Variants in PLXNC1 observed in about 807,000 individuals in gnomAD.
PLXNC1 encodes plexin-C1.
In PLXNC1, 75 loss-of-function variants were observed where a neutral mutation model predicts 178.2. That is an observed-to-expected ratio of 0.42 (90% CI 0.35 to 0.51). The LOEUF (loss-of-function observed/expected upper bound fraction) is 0.51, where lower values mean the gene tolerates loss of function less well. PLXNC1 is among the 20% of genes least tolerant of loss of function. PLXNC1 has a pLI of 0.02. For missense variants in PLXNC1, 1,503 were observed against 1,984.4 expected, an observed-to-expected ratio of 0.76 and a Z score of 4.61; for synonymous variants, 790 against 779.9, an observed-to-expected ratio of 1.01 and a Z score of -0.22.
intron 4 of PLXNC1, among the ~76,000 whole-genome samples, chr12:94,197,437 T>TCTCTCTCTC (rs1555198027): frequency 0.13 from 18,860 of 148,466 alleles, 1,360 homozygotes; most frequent in East Asian, 0.25. Context: ...TTAGGCCCCT[T>TCTCTCTCTC]TCTCTCTCTC....
At chr12:94,210,119 C>A (rs755138811) in intron 5 of PLXNC1, among the ~76,000 whole-genome samples, 1 of 152,142 alleles carries the variant, frequency 6.6e-6, no homozygotes, top group Non-Finnish European at 1.5e-5. Flanking sequence ...GTAATGGTCC[C>A]TTATCCTAAT....
chr12:94,303,279 A>G (rs1467864904), intron 28 of PLXNC1, among the ~76,000 whole-genome samples: 3 of 152,192 alleles, frequency 2.0e-5, no homozygotes, highest in African/African-American at 7.2e-5. Context: ...AAGCTGGAAA[A>G]TCTGCCTCTG....
chr12:94,267,449 T>G (rs1391353634), intron 21 of PLXNC1, among the ~76,000 whole-genome samples: 1 of 152,234 alleles, frequency 6.6e-6, no homozygotes, highest in African/African-American at 2.4e-5. Context: ...AAGGAATTCA[T>G]GTCGACTCTT....
intron 9 of PLXNC1, 127 bp from the exon 10 acceptor site, chr12:94,237,537 T>C: frequency 1.4e-6 from 1 of 707,328 alleles, no homozygotes; most frequent in Non-Finnish European, 2.4e-6. Context: ...AAACACTGTC[T>C]GCTTGTGTTC....
chr12:94,256,793 A>G (rs1180457734), intron 17 of PLXNC1, among the ~76,000 whole-genome samples: 3 of 151,882 alleles, frequency 2.0e-5, no homozygotes, highest in African/African-American at 7.3e-5. Flanking sequence ...GTAATCAAGA[A>G]CAAGATAGAG....
rs55733946 is a variant in PLXNC1, at chr12:94,166,524, G to GTATTAT, written c.1063-2590_1063-2585dup. Among the ~76,000 whole-genome samples, 1,159 of 144,080 alleles carry GTATTAT rather than the reference G, an allele frequency of 8.0e-3. 6 individuals are homozygous for GTATTAT. Among genetic ancestry groups the GTATTAT allele is most frequent in the Middle Eastern group, 0.032 (9 of 278 alleles). The allele number at this position is 144,080 out of a possible 152,430, so 94.5% of individuals were successfully genotyped here. On this transcript the variant is annotated intron_variant, in intron 1 of 30. Transcript: ENST00000258526. ...AGTAAGTATTAGTACATGTTAGCTG[G>GTATTAT]TATTATTATTATTATTATTATTATT...
In PLXNC1 at chr12:94,237,697, G is replaced by T; in HGVS notation, c.2014G>T (p.Val672Leu). 1.9e-6 allele frequency: 3 copies of T among 1,613,818 alleles called. No homozygotes were observed. Among genetic ancestry groups the T allele is most frequent in the Non-Finnish European group, 2.5e-6 (3 of 1,179,806 alleles). ...CATTAAGTCCATTGAGCCACAGAAAGTATCGACATTAGGGAAAAGCAACGT... is the reference window on the plus strand; with the variant it reads ...CATTAAGTCCATTGAGCCACAGAAATTATCGACATTAGGGAAAAGCAACGT... The part of the protein sequence containing the change: ...FYIKSIEPQK[V>L]STLGKSNVIV... The change falls in exon 10 of 31, where the codon GTA (valine) becomes TTA (leucine). Residue 672 changes from valine to leucine, a missense_variant. Val to Leu is a conservative substitution (Grantham distance 32). Around this residue, in one of 4 missense-constraint regions of PLXNC1, gnomAD observed 615 missense variants for 698.6 expected, o/e 0.88. Coordinates refer to ENST00000258526, the MANE Select transcript of PLXNC1 (RefSeq NM_005761.3).
At chr12:94,264,998 C>G (rs1965159581) in intron 20 of PLXNC1, 81 bp from the exon 21 acceptor site, 13 of 1,404,522 alleles carry the variant, frequency 9.3e-6, no homozygotes, top group Non-Finnish European at 1.2e-5. Flanking sequence ...TGCCTTACTG[C>G]TGTAAACAGA....
chr12:94,168,254 G>A (rs1961698205), intron 1 of PLXNC1: 1 of 152,198 alleles, frequency 6.6e-6, no homozygotes, highest in South Asian at 2.1e-4. Context: ...AGCTGCAGAC[G>A]GCAACGGCTC....
At chr12:94,232,577 A>G (rs1467813612) in intron 9 of PLXNC1, among the ~76,000 whole-genome samples, 1 of 152,342 alleles carries the variant, frequency 6.6e-6, no homozygotes, top group Non-Finnish European at 1.5e-5. Context: ...TTCATTCAAA[A>G]TTTGTTTGCT....
At chr12:94,239,229 A>G (rs138761124) in intron 10 of PLXNC1, among the ~76,000 whole-genome samples, 244 of 152,342 alleles carry the variant, frequency 1.6e-3, no homozygotes, top group African/African-American at 5.5e-3. Flanking sequence ...AGTTAATCCT[A>G]TACCTGAGCC....
intron 1 of PLXNC1, among the ~76,000 whole-genome samples, chr12:94,162,594 T>C (rs1019725681): frequency 1.3e-5 from 2 of 152,114 alleles, no homozygotes; most frequent in Admixed American, 6.5e-5. Flanking sequence ...AAGAGACTCT[T>C]GCACTAGATC....
chr12:94,280,833 CT>C (rs1320565897), intron 22 of PLXNC1, among the ~76,000 whole-genome samples: 1 of 152,174 alleles, frequency 6.6e-6, no homozygotes, highest in East Asian at 1.9e-4. Context: ...TACTCTTTTC[CT>C]GAGTTTGGGT....
At chr12:94,194,608 G>A (rs1962849700) in intron 4 of PLXNC1, among the ~76,000 whole-genome samples, 1 of 152,158 alleles carries the variant, frequency 6.6e-6, no homozygotes, top group Non-Finnish European at 1.5e-5. Flanking sequence ...ACAAAAATTA[G>A]CTGGGTGTGG....
intron 4 of PLXNC1, among the ~76,000 whole-genome samples, chr12:94,199,939 C>T (rs1235875036): frequency 3.3e-5 from 5 of 152,266 alleles, no homozygotes; most frequent in South Asian, 2.1e-4. Context: ...TGACTACAGG[C>T]GCGTGCCACC....
chr12:94,170,435 A>C (rs1961800625), intron 2 of PLXNC1, among the ~76,000 whole-genome samples: 1 of 152,050 alleles, frequency 6.6e-6, no homozygotes, highest in Non-Finnish European at 1.5e-5. Context: ...CTCCAGCCTG[A>C]AATGCTTTTT....
At position 94,240,552 on chromosome 12, in the gene PLXNC1, A is replaced by T; in HGVS notation, c.2188A>T (p.Met730Leu). The T allele has an allele frequency of 6.2e-7, 1 of 1,614,074 alleles. No individual in the cohort carries two copies. The highest frequency in any genetic ancestry group is 8.5e-7 in the Non-Finnish European group (1 of 1,179,904). ...KFSLPSSRKE[M>L]KDVCIQFDGG... is the part of the protein sequence containing the mutation. The stretch of plus-strand genomic sequence containing the variant: ...CTCTCTTCCATCAAGCCGGAAAGAA[A>T]TGAAGGATGTGTGTATCCAGTTTGA... Residue 730 changes from methionine to leucine, a missense_variant, in exon 11 of 31, where the codon ATG becomes TTG. Met to Leu is a conservative substitution (Grantham distance 15, BLOSUM62 2). Transcript: ENST00000258526.
intron 9 of PLXNC1, among the ~76,000 whole-genome samples, chr12:94,229,565 A>G (rs558105084): frequency 6.6e-6 from 1 of 152,206 alleles, no homozygotes; most frequent in South Asian, 2.1e-4. Context: ...TTCTCAGTTC[A>G]TTTTTATATA....
At chr12:94,279,402 T>C (rs1400790864) in intron 21 of PLXNC1, 70 bp from the exon 22 acceptor site, 2 of 1,391,800 alleles carry the variant, frequency 1.4e-6, no homozygotes, top group East Asian at 2.3e-5. Flanking sequence ...CTAAGGTTTG[T>C]GTCTTTTATG....
Sources: gnomAD v4.1 joint callset for allele counts (sites outside exome capture counted in the v4.1 genomes callset) on GRCh38, gnomAD v4.1.1 for gene constraint, gnomAD v4.1.1 regional missense constraint, MANE v1.5 for transcripts, NCBI Gene and HGNC (gene_info 2026-07-23, HGNC 2026-07-21) for gene names.